The following CXCL9 variants were observed in gnomAD, a reference collection of about 807,000 sequenced individuals.
CXCL9 encodes C-X-C motif chemokine ligand 9, also known as C-X-C motif chemokine 9.
A neutral mutation model predicts 11.7 loss-of-function variants in CXCL9; 8 were observed. The ratio of observed to expected loss-of-function variants is 0.68; its 90% confidence interval spans 0.40 to 1.23. CXCL9 has a LOEUF of 1.23. CXCL9 is among the 50% of genes most tolerant of loss of function. The pLI, the probability that CXCL9 is intolerant of heterozygous loss-of-function variation, is 0.01. For synonymous variants in CXCL9, 43 were observed against 48.2 expected (o/e 0.89, Z 0.45); for missense variants, 133 against 141.7 (o/e 0.94, Z 0.31).
chr4:76,004,446 T>C (rs747331482), intron 3 of CXCL9, among the ~76,000 whole-genome samples: 4 of 152,250 alleles, frequency 2.6e-5, no homozygotes, highest in Non-Finnish European at 5.9e-5. Context: ...TTCTTGTGCA[T>C]ACTTTTATAT....
intron 2 of CXCL9, chr4:76,005,338 C>G (rs1218668896): frequency 6.6e-6 from 1 of 152,460 alleles, no homozygotes; most frequent in Non-Finnish European, 1.5e-5. Flanking sequence ...AGCCACTGCA[C>G]CCGGCCCTGG....
chr4:76,002,479 G>A lies in CXCL9; in HGVS notation c.*1119C>T, dbSNP rs1013693410. ...GCCAACATGGAGTAGCCAGGAAAGAGCCAGCACCTGCTCTGAGACAATGGT... is the reference window on the plus strand; with the variant it reads ...GCCAACATGGAGTAGCCAGGAAAGAACCAGCACCTGCTCTGAGACAATGGT... On this transcript the variant is annotated 3_prime_UTR_variant, in exon 4 of 4. Transcript: ENST00000264888. 6.3e-5 allele frequency: 25 copies of A among 397,336 alleles called. No individual in the cohort carries two copies. The highest frequency in any genetic ancestry group is 1.2e-4 in the African/African-American group (6 of 48,586). 24.6% of individuals were successfully genotyped at this position (397,336 alleles called of 1,614,324 possible). A position where few individuals can be genotyped will look rare whatever the true frequency, so the allele number is the denominator to read the frequency against.
At chr4:76,004,066 T>C (rs557338518) in intron 3 of CXCL9, among the ~76,000 whole-genome samples, 3 of 152,314 alleles carry the variant, frequency 2.0e-5, no homozygotes, top group African/African-American at 7.2e-5. Flanking sequence ...ACAGCTAGTA[T>C]GTGGCAGAAC....
At chr4:76,004,734 A>G in intron 3 of CXCL9, 75 bp downstream of exon 3, 1 of 1,523,498 alleles carries the variant, frequency 6.6e-7, no homozygotes, top group East Asian at 2.4e-5. Context: ...TATAGTGTTA[A>G]TGAAAAAGCA....
intron 2 of CXCL9, chr4:76,005,435 T>TAGTCA (rs979579750): frequency 3.4e-4 from 52 of 152,314 alleles, no homozygotes; most frequent in African/African-American, 1.2e-3. Flanking sequence ...AGAATAAGAG[T>TAGTCA]AGTCAAGGAT....
chr4:76,006,053 T>C (rs1731579817), intron 2 of CXCL9, 95 bp downstream of exon 2: 4 of 1,112,386 alleles, frequency 3.6e-6, no homozygotes, highest in Admixed American at 3.9e-5. Context: ...GATTTTTAAG[T>C]GTTTGTATGG....
In CXCL9 at chr4:76,003,542, G is replaced by C. The variant is rs1371434378; in HGVS notation, c.*56C>G. 1 of 964,342 alleles carries C rather than the reference G, an allele frequency of 1.0e-6. No homozygotes were observed. 59.7% of individuals were successfully genotyped at this position (964,342 alleles called of 1,614,324 possible). On this transcript the variant is annotated 3_prime_UTR_variant, in exon 4 of 4. Transcript: ENST00000264888. The stretch of plus-strand genomic sequence containing the variant: ...TGCCATCCTCCTTTGGAATGATAGC[G>C]GTATAATTAAAATAGAACATTTTTA...
Position 76,007,404 on chromosome 4 carries a change from C to A in CXCL9, c.46G>T (p.Val16Phe). ...VLFLLGIILL[V>F]LIGVQGTPVV... ...CCCTTACCTTGCACTCCAATCAGAA[C>A]CAGCAAGATGATGCCCAAGAGGAAA... Residue 16 changes from valine (V) to phenylalanine (F), a missense_variant, in exon 1 of 4, where the codon GTT (valine) becomes TTT (phenylalanine). Physicochemically the swap from Val to Phe is conservative, Grantham distance 50 (BLOSUM62 -1). Coordinates refer to ENST00000264888, the MANE Select transcript of CXCL9 (RefSeq NM_002416.3). 6.3e-7 allele frequency: 1 copy of A among 1,599,656 alleles called. No homozygotes were observed. Among genetic ancestry groups the A allele is most frequent in the Non-Finnish European group, 8.6e-7 (1 of 1,166,862 alleles).
intron 3 of CXCL9, among the ~76,000 whole-genome samples, 169 bp downstream of exon 3, chr4:76,004,640 T>G (rs939127474): frequency 1.3e-5 from 2 of 152,244 alleles, no homozygotes; most frequent in African/African-American, 4.8e-5. Context: ...GGATACTATA[T>G]GTAGGAACCT....
chr4:76,006,400 TCAC>T, intron 1 of CXCL9, 126 bp from the exon 2 acceptor site: 1 of 912,334 alleles, frequency 1.1e-6, no homozygotes, highest in South Asian at 1.7e-5. Context: ...CTAAAAATAA[TCAC>T]CACAAACCTT....
At chr4:76,006,035 A>G in intron 2 of CXCL9, 113 bp downstream of exon 2, 1 of 926,332 alleles carries the variant, frequency 1.1e-6, no homozygotes, top group South Asian at 1.6e-5. Flanking sequence ...TGGAGGGGGT[A>G]ACCATCTGAT....
Position 76,007,423 on chromosome 4 carries a change from GA to G in CXCL9, c.26del (p.Leu9ProfsTer9). The G allele has an allele frequency of 1.9e-6, 3 of 1,603,360 alleles. No individual in the cohort carries two copies. Among genetic ancestry groups the G allele is most frequent in the Non-Finnish European group, 2.6e-6 (3 of 1,170,238 alleles). Reference protein sequence around the residue: MKKSGVLFLLGIILLVLIG... With the variant: MKKSGVLFXLGIILLVLIG... ...TCAGAACCAGCAAGATGATGCCCAA[GA>G]GGAAAAGAACACCACTTTTCTTCAT... On this transcript the variant is annotated frameshift_variant, in exon 1 of 4. Coordinates refer to ENST00000264888, the MANE Select transcript of CXCL9 (RefSeq NM_002416.3). LOFTEE classifies it high-confidence loss of function.
At chr4:76,004,121 T>C (rs1485587144) in intron 3 of CXCL9, among the ~76,000 whole-genome samples, 1 of 152,126 alleles carries the variant, frequency 6.6e-6, no homozygotes, top group Non-Finnish European at 1.5e-5. Context: ...ACCCACATAT[T>C]CTGTGGCTCT....
chr4:76,004,468 T>C (rs1407938046), intron 3 of CXCL9, among the ~76,000 whole-genome samples: 3 of 152,232 alleles, frequency 2.0e-5, no homozygotes, highest in African/African-American at 7.2e-5. Flanking sequence ...TCTCACATTG[T>C]ACCATAATTA....
chr4:76,004,378 T>C (rs906259615), intron 3 of CXCL9, among the ~76,000 whole-genome samples: 14 of 152,282 alleles, frequency 9.2e-5, no homozygotes, highest in African/African-American at 3.4e-4. Context: ...TCCTTAACAC[T>C]TTCTCCTGCC....
chr4:76,003,328 T>C lies in CXCL9; in HGVS notation c.*270A>G. ...GGTTGGGTGAACATCTGTGTAGACA[T>C]GGGTATTGCTAAAATCATGGCCTTA... On this transcript the variant is annotated 3_prime_UTR_variant, in exon 4 of 4. Coordinates refer to ENST00000264888, the MANE Select transcript of CXCL9 (RefSeq NM_002416.3). 1 of 383,638 alleles carries C rather than the reference T, an allele frequency of 2.6e-6. No homozygotes were observed. The highest frequency in any genetic ancestry group is 3.1e-5 in the South Asian group (1 of 32,446). 23.8% of individuals were successfully genotyped at this position (383,638 alleles called of 1,614,324 possible).
At chr4:76,005,640 C>G (rs1158119064) in intron 2 of CXCL9, 2 of 152,044 alleles carry the variant, frequency 1.3e-5, no homozygotes, top group African/African-American at 2.4e-5. Flanking sequence ...ACAGTTTGGC[C>G]ATTAAAAATG....
At chr4:76,006,975 G>C (rs1250454572) in intron 1 of CXCL9, among the ~76,000 whole-genome samples, 1 of 152,202 alleles carries the variant, frequency 6.6e-6, no homozygotes, top group Non-Finnish European at 1.5e-5. Flanking sequence ...GGTCTAGAAA[G>C]ATTAAGTAAT....
Position 76,001,766 on chromosome 4 carries a change from T to G in CXCL9, c.*1832A>C, listed in dbSNP as rs1031744075. 1.3e-5 allele frequency: 2 copies of G among 153,664 alleles called. No individual in the cohort carries two copies. The highest frequency in any genetic ancestry group is 4.8e-5 in the African/African-American group (2 of 41,502). 9.5% of individuals were successfully genotyped at this position (153,664 alleles called of 1,614,324 possible). On this transcript the variant is annotated 3_prime_UTR_variant, in exon 4 of 4. Coordinates refer to ENST00000264888, the MANE Select transcript of CXCL9 (RefSeq NM_002416.3). ...AGTTACATGAAGGAACTAGGGAGTT[T>G]CATGATTAGATAAGACGTTCGGGTG...
Sources: allele counts gnomAD v4.1 joint callset (sites outside exome capture counted in the v4.1 genomes callset), GRCh38; gene constraint gnomAD v4.1.1; transcripts MANE v1.5; gene names NCBI Gene and HGNC (gene_info 2026-07-23, HGNC 2026-07-21).